Variants in DIAPH2 observed in about 807,000 individuals in gnomAD.
DIAPH2 encodes protein diaphanous homolog 2.
DIAPH2 carries 35 observed loss-of-function variants against 92.7 expected under a neutral mutation model. That is an observed-to-expected ratio of 0.38 (90% confidence interval 0.29 to 0.50). The LOEUF (loss-of-function observed/expected upper bound fraction) is 0.50, where lower values mean the gene tolerates loss of function less well. Among genes scored for constraint, DIAPH2 ranks in the 20% least tolerant of loss-of-function variants. DIAPH2 has a pLI of 0.94. For missense variants in DIAPH2, 701 were observed against 819.5 expected, an observed-to-expected ratio of 0.86 and a Z score of 1.77; for synonymous variants, 301 against 280.4, an observed-to-expected ratio of 1.07 and a Z score of -0.73.
At chrX:97,270,868 A>G (rs1220109348) in intron 23 of DIAPH2, among the ~76,000 whole-genome samples, 2 of 110,167 alleles carry the variant, frequency 1.8e-5, no homozygotes, top group South Asian at 3.9e-4. Flanking sequence ...AGAAAGTGAC[A>G]TTTGAGAGCA....
intron 22 of DIAPH2, among the ~76,000 whole-genome samples, chrX:97,179,470 C>A (rs1191760142): frequency 9.0e-6 from 1 of 110,729 alleles, no homozygotes; most frequent in Non-Finnish European, 1.9e-5. Flanking sequence ...GTTTGGTTTT[C>A]TGTTCCTGTG....
chrX:96,985,086 G>A (rs1430200386), intron 17 of DIAPH2, among the ~76,000 whole-genome samples: 1 of 111,201 alleles, frequency 9.0e-6, no homozygotes, highest in Non-Finnish European at 1.9e-5. Context: ...TCATTTACAC[G>A]ATGTCAGTTG....
At chrX:97,164,158 G>C (rs185161637) in intron 22 of DIAPH2, among the ~76,000 whole-genome samples, 135 of 111,661 alleles carry the variant, frequency 1.2e-3, no homozygotes, top group African/African-American at 4.4e-3. Flanking sequence ...CCATTTCAAA[G>C]CTAGTCTCAA....
chrX:97,033,371 A>G (rs1395763727), intron 17 of DIAPH2, among the ~76,000 whole-genome samples: 1 of 111,834 alleles, frequency 8.9e-6, no homozygotes, highest in Non-Finnish European at 1.9e-5. Context: ...TGCCAGATCT[A>G]ATAAACTAAG....
intron 5 of DIAPH2, among the ~76,000 whole-genome samples, chrX:96,909,644 T>C (rs2065457304): frequency 9.0e-6 from 1 of 111,718 alleles, no homozygotes; most frequent in Non-Finnish European, 1.9e-5. Context: ...TTAAAGACTC[T>C]TACTAGGCCT....
chrX:97,531,202 C>T (rs1040201274), intron 26 of DIAPH2, among the ~76,000 whole-genome samples: 4 of 111,598 alleles, frequency 3.6e-5, no homozygotes, highest in East Asian at 2.8e-4. Context: ...GTTCTCCTTC[C>T]GTCTTCCCCC....
chrX:97,220,500 G>A (rs1602426690), intron 22 of DIAPH2, among the ~76,000 whole-genome samples: 1 of 111,786 alleles, frequency 8.9e-6, no homozygotes, highest in East Asian at 2.8e-4. Context: ...TCCACCATCT[G>A]CTCCCCCACC....
chrX:96,761,762 C>T (rs1368969797), intron 4 of DIAPH2, among the ~76,000 whole-genome samples: 1 of 110,338 alleles, frequency 9.1e-6, no homozygotes, highest in East Asian at 2.8e-4. Flanking sequence ...CATGTCTGTG[C>T]TAAATAAACA....
At chrX:97,478,875 C>T (rs2070630007) in intron 26 of DIAPH2, among the ~76,000 whole-genome samples, 1 of 110,985 alleles carries the variant, frequency 9.0e-6, no homozygotes, top group Admixed American at 9.6e-5. Flanking sequence ...TGGTAGAATG[C>T]CGTGGTACCT....
intron 22 of DIAPH2, among the ~76,000 whole-genome samples, chrX:97,235,601 CAAAAAAAA>C (rs10563336): frequency 7.5e-5 from 4 of 53,383 alleles, no homozygotes; most frequent in Admixed American, 7.2e-4. Flanking sequence ...GAGACTACGT[CAAAAAAAA>C]AAAAAAAAAA....
chrX:96,870,034 T>C (rs1218654954), intron 4 of DIAPH2, among the ~76,000 whole-genome samples: 1 of 110,911 alleles, frequency 9.0e-6, no homozygotes, highest in Non-Finnish European at 1.9e-5. Context: ...CTTTTTAAGA[T>C]GGTTTTGTAC....
At chrX:97,591,516 T>C (rs1397319929) in intron 26 of DIAPH2, among the ~76,000 whole-genome samples, 2 of 111,899 alleles carry the variant, frequency 1.8e-5, no homozygotes, top group East Asian at 5.6e-4. Context: ...TGAAGGTGAA[T>C]TCAAGGATCA....
intron 17 of DIAPH2, among the ~76,000 whole-genome samples, chrX:96,992,538 A>G (rs1262576154): frequency 8.9e-6 from 1 of 112,113 alleles, no homozygotes; most frequent in African/African-American, 3.2e-5. Context: ...ATTATATCTC[A>G]TACCAACATA....
chrX:97,284,408 C>T (rs1218957934), intron 23 of DIAPH2, among the ~76,000 whole-genome samples: 1 of 110,100 alleles, frequency 9.1e-6, no homozygotes, highest in African/African-American at 3.3e-5. Flanking sequence ...GTCGGAAGTT[C>T]GAGACCAGCC....
At chrX:96,849,507 C>T (rs891450310) in intron 4 of DIAPH2, among the ~76,000 whole-genome samples, 3 of 111,586 alleles carry the variant, frequency 2.7e-5, no homozygotes, top group African/African-American at 9.8e-5. Flanking sequence ...GTGCTTCTTT[C>T]TCCTAGGATG....
intron 17 of DIAPH2, among the ~76,000 whole-genome samples, chrX:97,048,640 A>G (rs141133156): frequency 0.01 from 1,127 of 111,245 alleles, 10 homozygotes; most frequent in African/African-American, 0.034. Flanking sequence ...ATTTATCATA[A>G]TGGTTGTAAA....
At chrX:96,854,924 C>A (rs967755908) in intron 4 of DIAPH2, among the ~76,000 whole-genome samples, 1 of 108,544 alleles carries the variant, frequency 9.2e-6, no homozygotes, top group Non-Finnish European at 1.9e-5. Flanking sequence ...GTAACATAAT[C>A]TTTGGTTTTT....
At chrX:97,200,214 G>A (rs1247047808) in intron 22 of DIAPH2, among the ~76,000 whole-genome samples, 1 of 112,291 alleles carries the variant, frequency 8.9e-6, no homozygotes, top group Non-Finnish European at 1.9e-5. Context: ...AGATTCCCTC[G>A]TATGCCTGCA....
At chrX:97,463,988 A>G (rs1218478669) in intron 26 of DIAPH2, among the ~76,000 whole-genome samples, 2 of 110,569 alleles carry the variant, frequency 1.8e-5, no homozygotes, top group African/African-American at 3.3e-5. Context: ...AATCAGGTCC[A>G]CTGCCACATT....
Sources: allele counts gnomAD v4.1 joint callset (sites outside exome capture counted in the v4.1 genomes callset), GRCh38; gene constraint gnomAD v4.1.1; transcripts MANE v1.5; gene names NCBI Gene and HGNC (gene_info 2026-07-23, HGNC 2026-07-21).